SCHIP1: variants seen among roughly 807,000 people sequenced by gnomAD.
SCHIP1 encodes the protein schwannomin-interacting protein 1.
Under a neutral mutation model 29.7 loss-of-function variants are expected in SCHIP1, and 8 were observed. The observed-to-expected ratio is 0.27, with a 90% CI of 0.16 to 0.49. The LOEUF is 0.49. SCHIP1 is among the 20% of genes least tolerant of loss of function. The pLI is 0.99. For missense variants in SCHIP1, 193 were observed against 294.6 expected, an observed-to-expected ratio of 0.66 and a Z score of 2.52; for synonymous variants, 76 against 94.9, an observed-to-expected ratio of 0.80 and a Z score of 1.16.
the SCHIP1 span, among the ~76,000 whole-genome samples, chr3:159,654,122 T>A: frequency 4.6e-5 from 7 of 152,164 alleles, no homozygotes; most frequent in African/African-American, 1.7e-4. Flanking sequence ...GATATTCACA[T>A]GCAAATCGCA....
the SCHIP1 span, among the ~76,000 whole-genome samples, chr3:159,576,036 T>C: frequency 6.6e-6 from 1 of 152,182 alleles, no homozygotes; most frequent in Admixed American, 6.6e-5. Flanking sequence ...GTTCATTCAG[T>C]AATTAACTAT....
At chr3:159,563,298 G>A in the SCHIP1 span, among the ~76,000 whole-genome samples, 1 of 152,014 alleles carries the variant, frequency 6.6e-6, no homozygotes, top group Non-Finnish European at 1.5e-5. Context: ...GACACTTGGA[G>A]GCTGCCACAA....
the SCHIP1 span, among the ~76,000 whole-genome samples, chr3:159,743,696 G>T: frequency 6.6e-6 from 1 of 152,170 alleles, no homozygotes; most frequent in Non-Finnish European, 1.5e-5. Flanking sequence ...GAACTGGTGT[G>T]ACCATGAACG....
the SCHIP1 span, among the ~76,000 whole-genome samples, chr3:159,508,230 C>T: frequency 0.01 from 1,557 of 152,266 alleles, 29 homozygotes; most frequent in Admixed American, 0.045. Flanking sequence ...TCCATTTCCT[C>T]TAGATTTTCT....
At chr3:159,613,131 T>C in the SCHIP1 span, among the ~76,000 whole-genome samples, 149 of 152,326 alleles carry the variant, frequency 9.8e-4, no homozygotes, top group East Asian at 3.3e-3. Context: ...ACTTTGTCAC[T>C]CTGATAAATA....
chr3:159,473,114 T>C, the SCHIP1 span, among the ~76,000 whole-genome samples: 5 of 152,218 alleles, frequency 3.3e-5, no homozygotes. Context: ...ATGAAACAGT[T>C]ATAACAGTTG....
chr3:159,840,296 T>A, intron 1 of SCHIP1: 1 of 1,243,782 alleles, frequency 8.0e-7, no homozygotes, highest in Non-Finnish European at 1.1e-6. Context: ...GTTGCCTCTT[T>A]CCGGATATTC....
At chr3:159,627,617 CTA>C in the SCHIP1 span, among the ~76,000 whole-genome samples, 1 of 152,162 alleles carries the variant, frequency 6.6e-6, no homozygotes, top group African/African-American at 2.4e-5. Flanking sequence ...GTAAGTTGTG[CTA>C]TGTTGCTTAT....
chr3:159,804,714 G>T, the SCHIP1 span, among the ~76,000 whole-genome samples: 1 of 152,220 alleles, frequency 6.6e-6, no homozygotes, highest in Non-Finnish European at 1.5e-5. Context: ...AACTAACCTG[G>T]CTTCACAGTG....
chr3:159,681,239 A>G, the SCHIP1 span, among the ~76,000 whole-genome samples: 1 of 151,916 alleles, frequency 6.6e-6, no homozygotes, highest in African/African-American at 2.4e-5. Context: ...AGTTTCCAGA[A>G]TTTGTTATTA....
At chr3:159,775,528 T>C in the SCHIP1 span, among the ~76,000 whole-genome samples, 1 of 152,252 alleles carries the variant, frequency 6.6e-6, no homozygotes, top group African/African-American at 2.4e-5. Context: ...TCAGCCTGCC[T>C]GTTTCGCCTT....
At chr3:159,482,074 C>G in the SCHIP1 span, among the ~76,000 whole-genome samples, 2 of 152,096 alleles carry the variant, frequency 1.3e-5, no homozygotes, top group African/African-American at 4.8e-5. Flanking sequence ...AAAACTAATA[C>G]TTAACTGAAT....
chr3:159,325,081 A>G, the SCHIP1 span, among the ~76,000 whole-genome samples: 1 of 152,148 alleles, frequency 6.6e-6, no homozygotes, highest in African/African-American at 2.4e-5. Flanking sequence ...TAACTTCTTT[A>G]TGCATCAATT....
At chr3:159,534,750 G>C in the SCHIP1 span, among the ~76,000 whole-genome samples, 1 of 152,162 alleles carries the variant, frequency 6.6e-6, no homozygotes, top group Non-Finnish European at 1.5e-5. Flanking sequence ...TGGGAATGAA[G>C]TAGTCAGTTT....
chr3:159,356,311 A>G, the SCHIP1 span, among the ~76,000 whole-genome samples: 21 of 152,184 alleles, frequency 1.4e-4, no homozygotes, highest in Non-Finnish European at 2.9e-4. Flanking sequence ...GAAAATATCA[A>G]ACATAGTCTA....
chr3:159,661,898 A>G, the SCHIP1 span, among the ~76,000 whole-genome samples: 2 of 152,186 alleles, frequency 1.3e-5, no homozygotes, highest in Admixed American at 1.3e-4. Flanking sequence ...TCTTCGAAGA[A>G]TCAGTATGTC....
the SCHIP1 span, chr3:159,764,823 C>G: frequency 6.3e-7 from 1 of 1,587,636 alleles, no homozygotes; most frequent in Non-Finnish European, 8.6e-7. This position sits in a 1 kb window ranked among gnomAD's most constrained non-coding sequence, Gnocchi z 6.1. Context: ...CCCCGGTGCC[C>G]AACGGCAACC....
the SCHIP1 span, among the ~76,000 whole-genome samples, chr3:159,716,323 T>C: frequency 6.6e-6 from 1 of 152,228 alleles, no homozygotes; most frequent in Non-Finnish European, 1.5e-5. Context: ...CCATTGATGC[T>C]AGCAAGACAC....
At chr3:159,713,697 AT>A in the SCHIP1 span, among the ~76,000 whole-genome samples, 1 of 152,194 alleles carries the variant, frequency 6.6e-6, no homozygotes, top group African/African-American at 2.4e-5. Context: ...TAGAGCCAAG[AT>A]TTTGGACTAA....
Sources: allele counts gnomAD v4.1 joint callset (sites outside exome capture counted in the v4.1 genomes callset), GRCh38; gene constraint gnomAD v4.1.1; non-coding constraint Gnocchi (gnomAD v3.1); transcripts MANE v1.5; gene names NCBI Gene and HGNC (gene_info 2026-07-23, HGNC 2026-07-21).